SLC8A1: variants seen among roughly 807,000 people sequenced by gnomAD.
SLC8A1 encodes solute carrier family 8 member A1.
In SLC8A1, 18 loss-of-function variants were observed where a neutral mutation model predicts 68.3. The observed-to-expected ratio is 0.26, with a 90% CI of 0.18 to 0.39. SLC8A1 has a LOEUF of 0.39. Among genes scored for constraint, SLC8A1 ranks in the 10% least tolerant of loss-of-function variants. SLC8A1 has a pLI of 1.00. For synonymous variants in SLC8A1, 475 were observed against 415.5 expected, an observed-to-expected ratio of 1.14 and a Z score of -1.74; for missense variants, 985 against 1,156.7, an observed-to-expected ratio of 0.85 and a Z score of 2.15.
intron 4 of SLC8A1, among the ~76,000 whole-genome samples, chr2:40,170,708 G>A (rs1422496376): frequency 6.6e-6 from 1 of 152,162 alleles, no homozygotes; most frequent in Non-Finnish European, 1.5e-5. Flanking sequence ...AACAACAAAA[G>A]GTATAGTGGC....
chr2:40,419,463 C>T (rs376544721), intron 2 of SLC8A1, among the ~76,000 whole-genome samples: 4 of 152,042 alleles, frequency 2.6e-5, no homozygotes, highest in Non-Finnish European at 4.4e-5. Context: ...GTCCCTCTGT[C>T]TGTCTCCTTT....
chr2:40,339,507 A>G (rs192565528), intron 2 of SLC8A1, among the ~76,000 whole-genome samples: 3 of 152,366 alleles, frequency 2.0e-5, no homozygotes, highest in Admixed American at 2.0e-4. Flanking sequence ...AGAAACATAT[A>G]TTCTACCATT....
chr2:40,500,361 G>A (rs1226092091), intron 1 of SLC8A1, among the ~76,000 whole-genome samples: 2 of 152,026 alleles, frequency 1.3e-5, no homozygotes, highest in African/African-American at 4.8e-5. Flanking sequence ...ATGGCCTTGA[G>A]AAACACTGCA....
chr2:40,157,178 T>C (rs1014930884), intron 6 of SLC8A1, among the ~76,000 whole-genome samples: 2 of 152,224 alleles, frequency 1.3e-5, no homozygotes, highest in South Asian at 2.1e-4. Flanking sequence ...ATAGGTTCTA[T>C]AATAGAATTG....
intron 2 of SLC8A1, among the ~76,000 whole-genome samples, chr2:40,286,065 T>C (rs1232392537): frequency 6.6e-6 from 1 of 152,170 alleles, no homozygotes; most frequent in Non-Finnish European, 1.5e-5. Flanking sequence ...TCTGTGCTAG[T>C]TACTGCTCAG....
intron 7 of SLC8A1, among the ~76,000 whole-genome samples, chr2:40,118,775 A>G (rs1471288115): frequency 6.6e-6 from 1 of 152,004 alleles, no homozygotes; most frequent in Non-Finnish European, 1.5e-5. Context: ...GCTGGTGGTG[A>G]ACAGATGGCC....
intron 2 of SLC8A1, among the ~76,000 whole-genome samples, chr2:40,256,516 G>A (rs553318846): frequency 7.2e-5 from 11 of 152,276 alleles, no homozygotes; most frequent in East Asian, 5.8e-4. Context: ...CTATCTTTAC[G>A]TCTAAAGTGT....
chr2:40,337,139 A>G (rs1431322452), intron 2 of SLC8A1, among the ~76,000 whole-genome samples: 4 of 152,192 alleles, frequency 2.6e-5, no homozygotes, highest in East Asian at 1.9e-4. Flanking sequence ...CGTTTTAACT[A>G]ATGTGCTGAC....
chr2:40,141,261 G>A (rs1336604780), intron 6 of SLC8A1, among the ~76,000 whole-genome samples: 1 of 152,218 alleles, frequency 6.6e-6, no homozygotes, highest in Non-Finnish European at 1.5e-5. Context: ...ATTGGGTGCA[G>A]ATGATGATTG....
At chr2:40,410,673 A>C (rs902954960) in intron 2 of SLC8A1, among the ~76,000 whole-genome samples, 1 of 152,122 alleles carries the variant, frequency 6.6e-6, no homozygotes, top group African/African-American at 2.4e-5. Flanking sequence ...CGTATGCATT[A>C]CTTCACAGTT....
intron 2 of SLC8A1, among the ~76,000 whole-genome samples, chr2:40,304,799 T>C (rs11902975): frequency 0.21 from 31,815 of 152,086 alleles, 3,908 homozygotes; most frequent in East Asian, 0.37. Flanking sequence ...CTAGCTGTTT[T>C]CTGGGCTCAG....
intron 2 of SLC8A1, among the ~76,000 whole-genome samples, chr2:40,234,614 TG>T: frequency 6.6e-6 from 1 of 152,338 alleles, no homozygotes; most frequent in East Asian, 1.9e-4. Context: ...CTAATTGCCC[TG>T]GCCAGAACTT....
chr2:40,233,776 A>C (rs892228283), intron 2 of SLC8A1, among the ~76,000 whole-genome samples: 2 of 151,780 alleles, frequency 1.3e-5, no homozygotes, highest in Non-Finnish European at 2.9e-5. Flanking sequence ...TTTTTGTATA[A>C]GGTGTCAGGA....
chr2:40,495,535 G>A (rs918192109), intron 1 of SLC8A1, among the ~76,000 whole-genome samples: 4 of 152,058 alleles, frequency 2.6e-5, no homozygotes, highest in East Asian at 1.9e-4. Flanking sequence ...GGAAAAATGT[G>A]TGTAGGAGCA....
chr2:40,127,326 C>T (rs1158356647), intron 7 of SLC8A1, among the ~76,000 whole-genome samples: 1 of 152,122 alleles, frequency 6.6e-6, no homozygotes, highest in Non-Finnish European at 1.5e-5. Flanking sequence ...CTCCCCAAAG[C>T]ACAGACTAAA....
intron 7 of SLC8A1, among the ~76,000 whole-genome samples, chr2:40,118,127 A>G (rs774269784): frequency 1.3e-5 from 2 of 152,236 alleles, no homozygotes; most frequent in East Asian, 3.8e-4. Context: ...TCTCACAAGC[A>G]TTATGGGCTA....
At chr2:40,405,483 G>A (rs1425219203) in intron 2 of SLC8A1, among the ~76,000 whole-genome samples, 1 of 152,160 alleles carries the variant, frequency 6.6e-6, no homozygotes, top group Non-Finnish European at 1.5e-5. Context: ...TCTAACAGTT[G>A]TCCGCTTTTC....
chr2:40,407,583 T>C (rs1206521726), intron 2 of SLC8A1, among the ~76,000 whole-genome samples: 1 of 152,130 alleles, frequency 6.6e-6, no homozygotes, highest in Non-Finnish European at 1.5e-5. Context: ...CACCAACAGG[T>C]CCTCTGTCCT....
intron 6 of SLC8A1, among the ~76,000 whole-genome samples, chr2:40,154,428 C>T (rs576047519): frequency 2.0e-5 from 3 of 149,016 alleles, no homozygotes; most frequent in East Asian, 2.0e-4. Context: ...CTCAGCTTCC[C>T]GAGTAGCTGG....
Sources: gnomAD v4.1 joint callset for allele counts (sites outside exome capture counted in the v4.1 genomes callset) on GRCh38, gnomAD v4.1.1 for gene constraint, MANE v1.5 for transcripts, NCBI Gene and HGNC (gene_info 2026-07-23, HGNC 2026-07-21) for gene names.